Variants in BOLL observed in about 807,000 individuals in gnomAD.
BOLL encodes the protein boule RNA binding protein, also known as protein boule-like.
BOLL carries 23 observed loss-of-function variants against 44.4 expected under a neutral mutation model. The ratio of observed to expected loss-of-function variants is 0.52; its 90% CI spans 0.37 to 0.73. The LOEUF (loss-of-function observed/expected upper bound fraction) is 0.73. Ranked by LOEUF, BOLL falls within the 30% of genes least tolerant of loss-of-function variation. The probability of loss-of-function intolerance (pLI) is 0.00; values close to 1 mark genes in which losing one functional copy is unlikely to be tolerated. For missense variants in BOLL, 287 were observed against 338.3 expected (o/e 0.85, Z 1.19); for synonymous variants, 97 against 110.8 (o/e 0.88, Z 0.78).
intron 9 of BOLL, among the ~76,000 whole-genome samples, chr2:197,744,787 T>C (rs1574819369): frequency 6.6e-6 from 1 of 152,178 alleles, no homozygotes; most frequent in Non-Finnish European, 1.5e-5. Context: ...TGTCCTCATT[T>C]TACAAATAAG....
At chr2:197,776,074 A>T in intron 4 of BOLL, among the ~76,000 whole-genome samples, 1 of 151,894 alleles carries the variant, frequency 6.6e-6, no homozygotes, top group Admixed American at 6.6e-5. Flanking sequence ...AGCGGCGGAA[A>T]ATTTGAGTAG....
intron 10 of BOLL, among the ~76,000 whole-genome samples, chr2:197,731,513 T>G (rs1394904973): frequency 1.8e-4 from 22 of 123,916 alleles, no homozygotes; most frequent in African/African-American, 6.6e-4. Flanking sequence ...GAATATACAT[T>G]TTTTTCAGCA....
Position 197,727,465 on chromosome 2 carries a change from C to T in BOLL, c.*1090G>A, listed in dbSNP as rs948410223. 1 of 152,212 alleles carries T rather than the reference C, an allele frequency of 6.6e-6. No individual in the cohort carries two copies. The highest frequency in any genetic ancestry group is 1.9e-4 in the East Asian group (1 of 5,328). The allele number at this position is 152,212 out of a possible 1,614,324, so 9.4% of individuals were successfully genotyped here. ...GTAGAAATTTTAGAGATTAAAAACC[C>T]CTATGATTTGTTCTGTACCTTTTGA... On this transcript the variant is annotated 3_prime_UTR_variant, in exon 11 of 11. Coordinates refer to ENST00000392296, the MANE Select transcript of BOLL (RefSeq NM_033030.6).
At chr2:197,728,603 A>C in intron 10 of BOLL, 25 bp from the exon 11 acceptor site, 1 of 1,510,254 alleles carries the variant, frequency 6.6e-7, no homozygotes, top group Non-Finnish European at 9.2e-7. Context: ...GAAAATATAG[A>C]TCAGGAAGAC....
intron 9 of BOLL, among the ~76,000 whole-genome samples, chr2:197,748,642 A>G (rs2106335831): frequency 6.6e-6 from 1 of 152,292 alleles, no homozygotes; most frequent in Non-Finnish European, 1.5e-5. Flanking sequence ...GGCAGAACCC[A>G]CCTCAGTACT....
chr2:197,777,202 A>C, intron 3 of BOLL, 89 bp from the exon 4 acceptor site: 1 of 867,546 alleles, frequency 1.2e-6, no homozygotes, highest in Non-Finnish European at 1.6e-6. Flanking sequence ...TTTGTTTTTA[A>C]ATCATCGGCC....
At chr2:197,752,188 A>C (rs1049279574) in intron 9 of BOLL, among the ~76,000 whole-genome samples, 1 of 152,256 alleles carries the variant, frequency 6.6e-6, no homozygotes, top group Non-Finnish European at 1.5e-5. Context: ...ACGAATAGCC[A>C]ATATCATACT....
chr2:197,727,388 G>A lies in BOLL; in HGVS notation c.*1167C>T, dbSNP rs1345411539. 6.6e-6 allele frequency: 1 copy of A among 152,324 alleles called. No individual in the cohort carries two copies. The highest frequency in any genetic ancestry group is 1.5e-5 in the Non-Finnish European group (1 of 68,044). 9.4% of individuals were successfully genotyped at this position (152,324 alleles called of 1,614,324 possible). Reference sequence around the variant, plus strand: ...TGCCCCCTCCACCTAAAATTAGGAGGTCAGTGAAAGAACTGCAAATGAATG... The same window carrying A: ...TGCCCCCTCCACCTAAAATTAGGAGATCAGTGAAAGAACTGCAAATGAATG... On this transcript the variant is annotated 3_prime_UTR_variant, in exon 11 of 11. Coordinates refer to ENST00000392296, the MANE Select transcript of BOLL (RefSeq NM_033030.6).
At chr2:197,734,558 C>T (rs1687382440) in intron 10 of BOLL, among the ~76,000 whole-genome samples, 1 of 152,084 alleles carries the variant, frequency 6.6e-6, no homozygotes, top group East Asian at 1.9e-4. Flanking sequence ...TGGAACCAAC[C>T]CAAATGTCCA....
At position 197,783,499 on chromosome 2, in the gene BOLL, T is replaced by C. The variant is rs1034872669; in HGVS notation, c.-16+1557A>G. Among the ~76,000 whole-genome samples, 8 of 152,298 alleles carry C rather than the reference T, an allele frequency of 5.3e-5. No homozygotes were observed. The East Asian group carries it at 1.2e-3, about 22-fold the overall frequency. The stretch of plus-strand genomic sequence containing the variant: ...GAAATGACTAGGGCAGGAGTGGCAA[T>C]TGGGCTATAGGCTGGACCTTATGGG... On this transcript the variant is annotated intron_variant, in intron 1 of 10. Coordinates refer to ENST00000392296, the MANE Select transcript of BOLL (RefSeq NM_033030.6).
At chr2:197,762,336 T>G (rs569204644) in intron 7 of BOLL, among the ~76,000 whole-genome samples, 8 of 152,072 alleles carry the variant, frequency 5.3e-5, no homozygotes, top group South Asian at 4.2e-4. Flanking sequence ...AGAGCGAGAT[T>G]CCTTCTCAAA....
chr2:197,748,466 C>A lies in BOLL; in HGVS notation c.730-5307G>T, dbSNP rs113600561. ...TGGATCCCACTTCCATGGAGCCCAG[C>A]AAGCTAAGACCCACTGGCTTGAAAT... On this transcript the variant is annotated intron_variant, in intron 9 of 10. Coordinates refer to ENST00000392296, the MANE Select transcript of BOLL (RefSeq NM_033030.6). Among the ~76,000 whole-genome samples the A allele has an allele frequency of 6.1e-3, 924 of 152,320 alleles. 16 individuals carry two copies. The highest frequency in any genetic ancestry group is 0.021 in the African/African-American group (864 of 41,574).
At chr2:197,742,621 A>G (rs1354698678) in intron 10 of BOLL, among the ~76,000 whole-genome samples, 4 of 151,914 alleles carry the variant, frequency 2.6e-5, no homozygotes, top group African/African-American at 9.7e-5. Flanking sequence ...CAATGAGAAC[A>G]CATGGACACA....
chr2:197,753,377 T>C (rs992268525), intron 9 of BOLL, among the ~76,000 whole-genome samples: 1 of 152,194 alleles, frequency 6.6e-6, no homozygotes, highest in Admixed American at 6.5e-5. Flanking sequence ...AGAAAATTTT[T>C]GCCATCTATC....
chr2:197,757,808 T>A (rs927818923), intron 7 of BOLL, among the ~76,000 whole-genome samples: 1 of 152,112 alleles, frequency 6.6e-6, no homozygotes, highest in African/African-American at 2.4e-5. Flanking sequence ...TACAACTCAA[T>A]AATCAAAAGA....
intron 3 of BOLL, 59 bp from the exon 4 acceptor site, chr2:197,777,172 A>G: frequency 8.5e-7 from 1 of 1,176,818 alleles, no homozygotes; most frequent in East Asian, 2.8e-5. Flanking sequence ...TATATTAATT[A>G]TATTAAAATG....
intron 8 of BOLL, 107 bp from the exon 9 acceptor site, chr2:197,756,663 ATT>A (rs899006084): frequency 8.7e-7 from 1 of 1,148,846 alleles, no homozygotes; most frequent in Non-Finnish European, 1.2e-6. Flanking sequence ...ATTTTACTAA[ATT>A]TTTTTTTAGG....
intron 3 of BOLL, among the ~76,000 whole-genome samples, chr2:197,778,111 G>T (rs1044126011): frequency 2.6e-5 from 4 of 151,898 alleles, no homozygotes; most frequent in African/African-American, 9.7e-5. Flanking sequence ...TCAAACAAAA[G>T]AGGTAAATCT....
At chr2:197,758,433 G>T (rs1688611438) in intron 7 of BOLL, among the ~76,000 whole-genome samples, 1 of 152,172 alleles carries the variant, frequency 6.6e-6, no homozygotes, top group Non-Finnish European at 1.5e-5. Flanking sequence ...TTGTATGATT[G>T]TTTTTATAGG....
Sources: gnomAD v4.1 joint callset for allele counts (sites outside exome capture counted in the v4.1 genomes callset) on GRCh38, gnomAD v4.1.1 for gene constraint, MANE v1.5 for transcripts, NCBI Gene and HGNC (gene_info 2026-07-23, HGNC 2026-07-21) for gene names.